The following FHIT variants were observed in gnomAD, a reference collection of about 807,000 sequenced individuals.
FHIT encodes the protein fragile histidine triad diadenosine triphosphatase, also known as bis(5'-adenosyl)-triphosphatase.
A neutral mutation model predicts 17.9 loss-of-function variants in FHIT; 19 were observed. The ratio of observed to expected loss-of-function variants is 1.06; its 90% CI spans 0.74 to 1.56. The LOEUF (loss-of-function observed/expected upper bound fraction) is 1.56, where lower values mean the gene tolerates loss of function less well. Ranked by LOEUF, FHIT falls within the 40% of genes most tolerant of loss-of-function variation. The probability of loss-of-function intolerance (pLI) is 0.00; values close to 1 mark genes in which losing one functional copy is unlikely to be tolerated. For missense variants in FHIT, 248 were observed against 189.2 expected (o/e 1.31, Z -1.82); for synonymous variants, 81 against 69.7 (o/e 1.16, Z -0.81).
intron 4 of FHIT, among the ~76,000 whole-genome samples, chr3:60,554,884 T>C (rs542572330): frequency 2.0e-4 from 31 of 152,340 alleles, no homozygotes; most frequent in East Asian, 3.9e-4. Context: ...CATAGGTTTT[T>C]GCTAAAACGG....
chr3:61,150,173 A>G (rs1446756411), intron 2 of FHIT, among the ~76,000 whole-genome samples: 1 of 152,136 alleles, frequency 6.6e-6, no homozygotes, highest in Non-Finnish European at 1.5e-5. Context: ...ACTGTCAGAG[A>G]AGACAGCCAA....
intron 8 of FHIT, among the ~76,000 whole-genome samples, chr3:59,791,342 C>A (rs1488595374): frequency 6.6e-6 from 1 of 152,100 alleles, no homozygotes; most frequent in Non-Finnish European, 1.5e-5. Context: ...TGGGGGAAAC[C>A]CACAATCTTT....
intron 5 of FHIT, among the ~76,000 whole-genome samples, chr3:60,213,580 A>G (rs575909299): frequency 1.2e-4 from 18 of 152,264 alleles, no homozygotes; most frequent in Admixed American, 3.3e-4. Context: ...GATTTTTCCC[A>G]CTATCCTTCC....
intron 8 of FHIT, among the ~76,000 whole-genome samples, chr3:59,909,196 C>A (rs1704743366): frequency 6.6e-6 from 1 of 151,070 alleles, no homozygotes; most frequent in Non-Finnish European, 1.5e-5. Flanking sequence ...ATCGACCCAG[C>A]TAATTTTTTG....
chr3:60,458,101 A>C (rs2032226658), intron 5 of FHIT, among the ~76,000 whole-genome samples: 1 of 152,200 alleles, frequency 6.6e-6, no homozygotes, highest in Non-Finnish European at 1.5e-5. Flanking sequence ...CCAAAGGATT[A>C]TAAATCATGC....
chr3:59,875,749 G>A (rs1054485053), intron 8 of FHIT, among the ~76,000 whole-genome samples: 1 of 152,074 alleles, frequency 6.6e-6, no homozygotes, highest in African/African-American at 2.4e-5. Context: ...CTTAACAAGA[G>A]ATGGGAAGCC....
chr3:61,197,421 C>T (rs1370720206), intron 2 of FHIT, among the ~76,000 whole-genome samples: 1 of 152,122 alleles, frequency 6.6e-6, no homozygotes, highest in Non-Finnish European at 1.5e-5. Flanking sequence ...CCATATAATA[C>T]TGTCATGCTA....
At chr3:60,146,241 T>C (rs2107315873) in intron 5 of FHIT, among the ~76,000 whole-genome samples, 1 of 63,424 alleles carries the variant, frequency 1.6e-5, no homozygotes, top group Admixed American at 2.3e-4. Context: ...TTTAACAATA[T>C]ACTCATTTAA....
intron 5 of FHIT, among the ~76,000 whole-genome samples, chr3:60,190,255 A>G (rs184313798): frequency 6.6e-6 from 1 of 152,124 alleles, no homozygotes; most frequent in African/African-American, 2.4e-5. Context: ...TGTTTGCTTC[A>G]TAACAGTCAG....
At chr3:60,523,370 C>A (rs972707559) in intron 5 of FHIT, among the ~76,000 whole-genome samples, 2 of 151,812 alleles carry the variant, frequency 1.3e-5, no homozygotes, top group Non-Finnish European at 1.5e-5. Flanking sequence ...TTCATAGTCA[C>A]CTTAAATCAT....
chr3:59,887,174 T>G (rs923177945), intron 8 of FHIT, among the ~76,000 whole-genome samples: 4 of 152,204 alleles, frequency 2.6e-5, no homozygotes, highest in African/African-American at 9.7e-5. Flanking sequence ...TAATTCACTT[T>G]TGACTTTATC....
rs116625591 is a variant in FHIT, at chr3:59,907,996, G to A, written c.348+14350C>T. On this transcript the variant is annotated intron_variant, in intron 8 of 9. Coordinates refer to ENST00000492590, the MANE Select transcript of FHIT (RefSeq NM_002012.4). The stretch of plus-strand genomic sequence containing the variant: ...TTTTGCCTCTCTCTTCCACCTCTGT[G>A]ATTATATTGAGTCCACTTGGATAAT... Among the ~76,000 whole-genome samples, 1,447 of 152,280 alleles carry A rather than the reference G, an allele frequency of 9.5e-3. 18 individuals are homozygous for A. The highest frequency in any genetic ancestry group is 0.024 in the Admixed American group (374 of 15,298).
chr3:59,868,314 T>A (rs144394256), intron 8 of FHIT, among the ~76,000 whole-genome samples: 281 of 144,774 alleles, frequency 1.9e-3, no homozygotes, highest in Non-Finnish European at 3.4e-3. Context: ...GGAATAAGAT[T>A]AGTATTGTGC....
chr3:59,990,625 T>G lies in FHIT; in HGVS notation c.279+20746A>C, dbSNP rs530126170. Among the ~76,000 whole-genome samples, 9 of 152,120 alleles carry G rather than the reference T, an allele frequency of 5.9e-5. No individual in the cohort carries two copies. In the South Asian group the frequency reaches 1.9e-3, roughly 32 times the overall value. ...CTGCATCATGATAACTCTTGGCTAG[T>G]ATTCTGTGAAGAAATAATTAATAAT... On this transcript the variant is annotated intron_variant, in intron 7 of 9. Transcript: ENST00000492590.
At chr3:60,955,611 T>TATATATATACATATATATATATATAA (rs1709095850) in intron 3 of FHIT, among the ~76,000 whole-genome samples, 1 of 16,896 alleles carries the variant, frequency 5.9e-5, no homozygotes, top group African/African-American at 1.2e-4. Flanking sequence ...TATATATATA[T>TATATATATACATATATATATATATAA]ATATATATAT....
intron 3 of FHIT, among the ~76,000 whole-genome samples, chr3:60,856,030 A>T (rs1191551738): frequency 6.6e-6 from 1 of 152,184 alleles, no homozygotes; most frequent in South Asian, 2.1e-4. Context: ...AGTTGTAATT[A>T]TGATGGTGTT....
chr3:60,122,977 C>T (rs891974601), intron 5 of FHIT, among the ~76,000 whole-genome samples: 1 of 152,172 alleles, frequency 6.6e-6, no homozygotes, highest in African/African-American at 2.4e-5. Context: ...ACAGAGCAAT[C>T]CTATGCCTTG....
At position 61,049,360 on chromosome 3, in the gene FHIT, T is replaced by C. The variant is rs1479723778; in HGVS notation, c.-163-7261A>G. On this transcript the variant is annotated intron_variant, in intron 2 of 9. Transcript: ENST00000492590. ...AACCAAATGGTTGATAAGAAAAAGT[T>C]TTTTTATAGATCTCCATGAATAAAT... Among the ~76,000 whole-genome samples the C allele has an allele frequency of 2.0e-5, 3 of 151,940 alleles. No homozygotes were observed. In the East Asian group the frequency reaches 5.8e-4, roughly 29 times the overall value.
chr3:60,998,105 T>C (rs1188125257), intron 3 of FHIT, among the ~76,000 whole-genome samples: 2 of 152,184 alleles, frequency 1.3e-5, no homozygotes, highest in Non-Finnish European at 2.9e-5. Context: ...AATGCTGACA[T>C]TTTTAAAAAG....
Sources: allele counts gnomAD v4.1 joint callset (sites outside exome capture counted in the v4.1 genomes callset), GRCh38; gene constraint gnomAD v4.1.1; transcripts MANE v1.5; gene names NCBI Gene and HGNC (gene_info 2026-07-23, HGNC 2026-07-21).